COP1: variants seen among roughly 807,000 people sequenced by gnomAD.
COP1 encodes COP1 E3 ubiquitin ligase.
Under a neutral mutation model 101.3 loss-of-function variants are expected in COP1, and 24 were observed. The ratio of observed to expected loss-of-function variants is 0.24; its 90% CI spans 0.17 to 0.33. The LOEUF is 0.33. Ranked by LOEUF, COP1 falls within the 10% of genes least tolerant of loss-of-function variation. The pLI, the probability that COP1 is intolerant of heterozygous loss-of-function variation, is 1.00. For missense variants in COP1, 663 were observed against 906.2 expected (o/e 0.73, Z 3.45); for synonymous variants, 347 against 341.9 (o/e 1.01, Z -0.17).
intron 14 of COP1, among the ~76,000 whole-genome samples, chr1:176,028,221 A>G (rs1417261634): frequency 1.3e-5 from 2 of 152,154 alleles, no homozygotes; most frequent in Admixed American, 6.6e-5. Context: ...TGACTGAATA[A>G]CAGAATAACA....
At chr1:176,009,667 A>G (rs1012471709) in intron 15 of COP1, among the ~76,000 whole-genome samples, 11 of 152,266 alleles carry the variant, frequency 7.2e-5, no homozygotes, top group African/African-American at 2.4e-4. Context: ...TTTCAGCAAA[A>G]TTATACCAGT....
chr1:175,948,580 T>A (rs1276681829), intron 18 of COP1, among the ~76,000 whole-genome samples: 1 of 152,238 alleles, frequency 6.6e-6, no homozygotes, highest in Non-Finnish European at 1.5e-5. Flanking sequence ...TTCTTTGACA[T>A]ATGCAAGTTG....
chr1:176,158,071 C>T (rs1234157993), intron 5 of COP1, among the ~76,000 whole-genome samples: 1 of 151,496 alleles, frequency 6.6e-6, no homozygotes, highest in African/African-American at 2.4e-5. Context: ...ATTCAAAGAA[C>T]CCAATAACAA....
At chr1:176,178,890 C>A (rs1697345555) in intron 2 of COP1, among the ~76,000 whole-genome samples, 1 of 151,488 alleles carries the variant, frequency 6.6e-6, no homozygotes. Flanking sequence ...AAGAGACATG[C>A]CGGGCTGGGT....
At chr1:176,203,899 T>C (rs1422715183) in intron 1 of COP1, among the ~76,000 whole-genome samples, 1 of 152,184 alleles carries the variant, frequency 6.6e-6, no homozygotes, top group East Asian at 1.9e-4. Flanking sequence ...GACAGGTCCC[T>C]ATCACCAGGG....
intron 15 of COP1, among the ~76,000 whole-genome samples, chr1:175,994,885 C>T (rs1659707642): frequency 6.6e-6 from 1 of 152,120 alleles, no homozygotes; most frequent in South Asian, 2.1e-4. Context: ...CAGCTCTGCA[C>T]CAAGCAGACT....
At chr1:176,143,130 G>GAGAGAGAC (rs1690981238) in intron 6 of COP1, among the ~76,000 whole-genome samples, 1 of 147,712 alleles carries the variant, frequency 6.8e-6, no homozygotes, top group African/African-American at 2.6e-5. Context: ...AAGCGAGAGA[G>GAGAGAGAC]AGAGAGAGCG....
In COP1 at chr1:176,027,555, C is replaced by G. The variant is rs377457784; in HGVS notation, c.1729+17G>C. 9.1e-5 allele frequency: 131 copies of G among 1,441,014 alleles called. No individual in the cohort carries two copies. The highest frequency in any genetic ancestry group is 1.2e-4 in the Non-Finnish European group (126 of 1,023,326). 89.3% of individuals were successfully genotyped at this position (1,441,014 alleles called of 1,614,324 possible). On this transcript the variant is annotated intron_variant, in intron 15 of 19. Transcript: ENST00000367669. Reference sequence around the variant, plus strand: ...TAACCAACATCAAAGGAAGACAAATCTGCTTTCATTTCTTACCTGCACAGC... The same window carrying G: ...TAACCAACATCAAAGGAAGACAAATGTGCTTTCATTTCTTACCTGCACAGC...
At chr1:176,118,470 T>C (rs1429092933) in intron 8 of COP1, among the ~76,000 whole-genome samples, 1 of 152,078 alleles carries the variant, frequency 6.6e-6, no homozygotes, top group Admixed American at 6.6e-5. Context: ...TATTTCAAAA[T>C]AGCTAGAAGA....
intron 8 of COP1, among the ~76,000 whole-genome samples, chr1:176,133,127 T>C (rs886147870): frequency 4.7e-5 from 7 of 149,112 alleles, no homozygotes; most frequent in African/African-American, 1.2e-4. Flanking sequence ...ATACTATATA[T>C]ACCCATACAC....
intron 9 of COP1, among the ~76,000 whole-genome samples, chr1:176,107,204 T>A: frequency 6.6e-6 from 1 of 152,260 alleles, no homozygotes; most frequent in East Asian, 1.9e-4. Flanking sequence ...TATATAACAA[T>A]GTATATTAAT....
At chr1:176,125,855 A>T (rs2149669325) in intron 8 of COP1, among the ~76,000 whole-genome samples, 1 of 152,268 alleles carries the variant, frequency 6.6e-6, no homozygotes, top group African/African-American at 2.4e-5. Flanking sequence ...CCAATCATTA[A>T]CATGGCATAC....
At chr1:176,180,451 C>T (rs1195595227) in intron 2 of COP1, among the ~76,000 whole-genome samples, 1 of 152,124 alleles carries the variant, frequency 6.6e-6, no homozygotes, top group East Asian at 1.9e-4. Flanking sequence ...TGCTCAACAA[C>T]AGGTGGGCAT....
At chr1:176,083,067 C>T (rs76847159) in intron 10 of COP1, among the ~76,000 whole-genome samples, 1 of 152,014 alleles carries the variant, frequency 6.6e-6, no homozygotes, top group Non-Finnish European at 1.5e-5. Flanking sequence ...GGAAATTCCA[C>T]GTATTATAAA....
intron 15 of COP1, among the ~76,000 whole-genome samples, chr1:175,997,293 C>A (rs1343568514): frequency 3.9e-5 from 6 of 152,140 alleles, no homozygotes; most frequent in Non-Finnish European, 8.8e-5. Context: ...AACCAAAAAA[C>A]CCTAGAAGAA....
intron 14 of COP1, among the ~76,000 whole-genome samples, chr1:176,034,254 A>G (rs1425768750): frequency 1.3e-5 from 2 of 152,044 alleles, no homozygotes; most frequent in African/African-American, 4.8e-5. Flanking sequence ...CACTAAGTAA[A>G]ATTGTTGTGT....
chr1:176,206,536 A>C, intron 1 of COP1, 36 bp downstream of exon 1: 1 of 1,590,430 alleles, frequency 6.3e-7, no homozygotes, highest in African/African-American at 1.3e-5. Flanking sequence ...GAAACTCATA[A>C]TTTAGGGACA....
intron 8 of COP1, among the ~76,000 whole-genome samples, chr1:176,126,432 T>C (rs963408338): frequency 9.9e-5 from 15 of 152,198 alleles, no homozygotes; most frequent in African/African-American, 2.9e-4. Flanking sequence ...TGAAGGAACA[T>C]TGAACTTCAT....
intron 11 of COP1, among the ~76,000 whole-genome samples, chr1:176,066,451 T>C (rs1490657708): frequency 6.6e-6 from 1 of 152,142 alleles, no homozygotes; most frequent in Non-Finnish European, 1.5e-5. Flanking sequence ...CTTCCAGTGA[T>C]AAAATGGGCA....
Sources: gnomAD v4.1 joint callset for allele counts (sites outside exome capture counted in the v4.1 genomes callset) on GRCh38, gnomAD v4.1.1 for gene constraint, MANE v1.5 for transcripts, NCBI Gene and HGNC (gene_info 2026-07-23, HGNC 2026-07-21) for gene names.